The following NKAIN3 variants were observed in gnomAD, a reference collection of about 807,000 sequenced individuals.
NKAIN3 encodes sodium/potassium transporting ATPase interacting 3.
In NKAIN3, 25 loss-of-function variants were observed where a neutral mutation model predicts 30.2. The observed-to-expected ratio is 0.83, with a 90% CI of 0.60 to 1.16. NKAIN3 has a LOEUF of 1.16. Ranked by LOEUF, NKAIN3 falls within the 50% of genes most tolerant of loss-of-function variation. NKAIN3 has a pLI of 0.00. For synonymous variants in NKAIN3, 91 were observed against 89.6 expected (o/e 1.02, Z -0.09); for missense variants, 225 against 254.1 (o/e 0.89, Z 0.78).
chr8:62,451,269 C>T (rs987681783), intron 1 of NKAIN3, among the ~76,000 whole-genome samples: 1 of 150,908 alleles, frequency 6.6e-6, no homozygotes, highest in Admixed American at 6.6e-5. Flanking sequence ...CTCCTCTTCT[C>T]TTCTCTTCTC....
At chr8:62,795,214 C>T (rs1276291910) in intron 4 of NKAIN3, among the ~76,000 whole-genome samples, 2 of 152,156 alleles carry the variant, frequency 1.3e-5, no homozygotes, top group African/African-American at 2.4e-5. Context: ...CTGCTAAAAC[C>T]TTATCCTGAT....
intron 2 of NKAIN3, among the ~76,000 whole-genome samples, chr8:62,589,073 G>A (rs1471583960): frequency 2.0e-5 from 3 of 151,866 alleles, no homozygotes; most frequent in Non-Finnish European, 2.9e-5. Flanking sequence ...AGTAAGACCA[G>A]TAGGTTTAAA....
At chr8:62,472,329 G>A (rs972481391) in intron 1 of NKAIN3, among the ~76,000 whole-genome samples, 2 of 152,200 alleles carry the variant, frequency 1.3e-5, no homozygotes, top group African/African-American at 4.8e-5. Flanking sequence ...TGGGGAAGCT[G>A]TGCAGGCAGT....
At chr8:62,504,054 C>T (rs1036402065) in intron 1 of NKAIN3, among the ~76,000 whole-genome samples, 5 of 152,222 alleles carry the variant, frequency 3.3e-5, no homozygotes, top group African/African-American at 7.2e-5. Flanking sequence ...TCCTCTGCCA[C>T]GGCGCCAGCC....
intron 1 of NKAIN3, among the ~76,000 whole-genome samples, chr8:62,405,789 A>G (rs555430569): frequency 1.3e-5 from 2 of 152,296 alleles, no homozygotes; most frequent in South Asian, 2.1e-4. Context: ...TGGTGTTCCC[A>G]TGGAGATGAT....
intron 4 of NKAIN3, among the ~76,000 whole-genome samples, chr8:62,758,385 C>T (rs184890672): frequency 6.6e-6 from 1 of 152,218 alleles, no homozygotes; most frequent in East Asian, 1.9e-4. Flanking sequence ...TATAATCATA[C>T]TGTGGCTGTA....
intron 4 of NKAIN3, among the ~76,000 whole-genome samples, chr8:62,909,767 G>T (rs924250451): frequency 6.6e-6 from 1 of 152,120 alleles, no homozygotes; most frequent in Non-Finnish European, 1.5e-5. Context: ...AAAAGGAAAT[G>T]TTTTAATTAA....
intron 4 of NKAIN3, among the ~76,000 whole-genome samples, chr8:62,883,543 T>G (rs1489180422): frequency 6.7e-6 from 1 of 149,356 alleles, no homozygotes; most frequent in Non-Finnish European, 1.5e-5. Context: ...TCCTAATACC[T>G]CTTATTTATT....
chr8:62,624,139 G>T (rs1183900144), intron 3 of NKAIN3, among the ~76,000 whole-genome samples: 1 of 151,998 alleles, frequency 6.6e-6, no homozygotes, highest in East Asian at 1.9e-4. Flanking sequence ...ATGAACAGAG[G>T]TTACTTTCAT....
At chr8:62,255,609 G>A (rs1384051623) in intron 1 of NKAIN3, among the ~76,000 whole-genome samples, 1 of 152,184 alleles carries the variant, frequency 6.6e-6, no homozygotes, top group Non-Finnish European at 1.5e-5. Flanking sequence ...ACAAACCTAG[G>A]TTTAATTAAA....
rs548525856 is a variant in NKAIN3 at position 62,746,803 on chromosome 8, G to A, written c.274-129G>A. The A allele has an allele frequency of 1.2e-4, 75 of 630,824 alleles. No homozygotes were observed. In the African/African-American group the frequency reaches 1.3e-3, roughly 11 times the overall value. The allele number at this position is 630,824 out of a possible 1,614,324, so 39.1% of individuals were successfully genotyped here. ...GCAGCCACTTGGGGCTTTGTCTTTT[G>A]TTACTTTTCACTTGAAATTGAAATC... On this transcript the variant is annotated intron_variant, in intron 3 of 6. Coordinates refer to ENST00000623646, the MANE Select transcript of NKAIN3 (RefSeq NM_001304533.3).
At chr8:62,358,008 A>G (rs1477010270) in intron 1 of NKAIN3, among the ~76,000 whole-genome samples, 1 of 152,154 alleles carries the variant, frequency 6.6e-6, no homozygotes, top group African/African-American at 2.4e-5. Context: ...CAAGATTGAA[A>G]TTTTGGTTGA....
chr8:62,424,606 T>C (rs1804746532), intron 1 of NKAIN3, among the ~76,000 whole-genome samples: 1 of 151,786 alleles, frequency 6.6e-6, no homozygotes. Context: ...AAAAATATTA[T>C]CTCACACCTG....
intron 1 of NKAIN3, among the ~76,000 whole-genome samples, chr8:62,286,777 G>A (rs554793224): frequency 6.6e-6 from 1 of 152,170 alleles, no homozygotes; most frequent in Non-Finnish European, 1.5e-5. Context: ...ACAGAAGCCA[G>A]TTCATTTCAG....
chr8:62,372,039 A>G (rs900175456), intron 1 of NKAIN3, among the ~76,000 whole-genome samples: 2 of 151,924 alleles, frequency 1.3e-5, no homozygotes, highest in Non-Finnish European at 2.9e-5. Context: ...TGTCAGAGAT[A>G]TATCTTAGTC....
At chr8:62,593,905 G>A (rs1324422013) in intron 3 of NKAIN3, among the ~76,000 whole-genome samples, 3 of 152,022 alleles carry the variant, frequency 2.0e-5, no homozygotes, top group Admixed American at 6.6e-5. Flanking sequence ...TAGCAGATCT[G>A]TTAGGTGGGG....
At chr8:62,289,434 G>C (rs1336482067) in intron 1 of NKAIN3, among the ~76,000 whole-genome samples, 7 of 152,156 alleles carry the variant, frequency 4.6e-5, no homozygotes, top group Admixed American at 6.5e-5. Flanking sequence ...ATATAAGGAA[G>C]GGATCCAGTT....
chr8:62,385,244 T>C (rs142135056), intron 1 of NKAIN3, among the ~76,000 whole-genome samples: 99 of 152,314 alleles, frequency 6.5e-4, no homozygotes, highest in Non-Finnish European at 1.2e-3. Context: ...TACTTACTTA[T>C]GCCAGGCCCT....
At chr8:62,898,902 G>A (rs961847781) in intron 4 of NKAIN3, among the ~76,000 whole-genome samples, 1 of 152,090 alleles carries the variant, frequency 6.6e-6, no homozygotes, top group Non-Finnish European at 1.5e-5. Context: ...CAATTATCCA[G>A]TTAGAAAATG....
Sources: gnomAD v4.1 joint callset for allele counts (sites outside exome capture counted in the v4.1 genomes callset) on GRCh38, gnomAD v4.1.1 for gene constraint, MANE v1.5 for transcripts, NCBI Gene and HGNC (gene_info 2026-07-23, HGNC 2026-07-21) for gene names.